FBXL14: variants seen among roughly 807,000 people sequenced by gnomAD.
FBXL14 encodes the protein F-box and leucine rich repeat protein 14.
Under a neutral mutation model 24.5 loss-of-function variants are expected in FBXL14, and 11 were observed. The ratio of observed to expected loss-of-function variants is 0.45; its 90% CI spans 0.28 to 0.74. FBXL14 has a LOEUF of 0.74. Ranked by LOEUF, FBXL14 falls within the 30% of genes least tolerant of loss-of-function variation. FBXL14 has a pLI of 0.12. For synonymous variants in FBXL14, 294 were observed against 240.4 expected (o/e 1.22, Z -2.06); for missense variants, 384 against 545.6 (o/e 0.70, Z 2.95).
At position 1,594,190 on chromosome 12, in the gene FBXL14, C is replaced by CGCCG; in HGVS notation, c.-125_-124insCGGC. 1.8e-5 allele frequency: 10 copies of CGCCG among 553,608 alleles called. No homozygotes were observed. In the East Asian group the frequency reaches 1.9e-4, roughly 10 times the overall value. The allele number at this position is 553,608 out of a possible 1,614,324, so 34.3% of individuals were successfully genotyped here. ...CGCCGCCGCCGCCGCCGCCTCGGGC[C>CGCCG]CAACGGCCGGCCCCTCCCCGCCTTC... On this transcript the variant is annotated 5_prime_UTR_variant, in exon 1 of 2. Transcript: ENST00000339235.
chr12:1,571,221 T>C (rs1592455825), intron 1 of FBXL14, among the ~76,000 whole-genome samples: 1 of 152,188 alleles, frequency 6.6e-6, no homozygotes, highest in East Asian at 1.9e-4. Flanking sequence ...TGTTTTGTTT[T>C]TTTGAGACAG....
chr12:1,590,176 C>G (rs143652228), intron 1 of FBXL14, among the ~76,000 whole-genome samples: 1 of 150,136 alleles, frequency 6.7e-6, no homozygotes, highest in Non-Finnish European at 1.5e-5. Context: ...GCACTGTAAC[C>G]TAAGTGGGAA....
chr12:1,586,514 C>T (rs542315470), intron 1 of FBXL14, among the ~76,000 whole-genome samples: 5 of 152,254 alleles, frequency 3.3e-5, no homozygotes, highest in East Asian at 1.9e-4. Context: ...TGGTGCCACA[C>T]ATCTCTGAAG....
rs1192140634 is a variant in FBXL14, at chr12:1,569,950, C to T, written c.1195-3140G>A. On this transcript the variant is annotated intron_variant, in intron 1 of 1. Coordinates refer to ENST00000339235, the MANE Select transcript of FBXL14 (RefSeq NM_152441.3). The surrounding 1 kb of genome is among the most constrained non-coding windows in gnomAD (Gnocchi z 4.2). Reference sequence around the variant, plus strand: ...AGAGCTGCACTTCTGCCCTCAGGCCCACTGAGCTCCTTCTGCAAGGAAGCT... The same window carrying T: ...AGAGCTGCACTTCTGCCCTCAGGCCTACTGAGCTCCTTCTGCAAGGAAGCT... Among the ~76,000 whole-genome samples the T allele has an allele frequency of 6.6e-6, 1 of 152,232 alleles. No homozygotes were observed. Among genetic ancestry groups the T allele is most frequent in the African/African-American group, 2.4e-5 (1 of 41,464 alleles).
At position 1,569,690 on chromosome 12, in the gene FBXL14, G is replaced by A. The variant is rs565989779; in HGVS notation, c.1195-2880C>T. Among the ~76,000 whole-genome samples the A allele has an allele frequency of 3.2e-3, 487 of 152,332 alleles. 2 individuals are homozygous for A. Among genetic ancestry groups the A allele is most frequent in the African/African-American group, 0.011 (453 of 41,570 alleles). On this transcript the variant is annotated intron_variant, in intron 1 of 1. Coordinates refer to ENST00000339235, the MANE Select transcript of FBXL14 (RefSeq NM_152441.3). This position sits in a 1 kb window ranked among gnomAD's most constrained non-coding sequence, Gnocchi z 4.2. ...GCTGGGATTACAGGCGTGAGCCACC[G>A]CTCCCGGCACCACTTGGTTCTTTAT...
Position 1,569,330 on chromosome 12 carries a change from C to T in FBXL14, c.1195-2520G>A, listed in dbSNP as rs187600156. 6.6e-6 allele frequency among the ~76,000 whole-genome samples: 1 copy of T among 151,926 alleles called. No homozygotes were observed. Among genetic ancestry groups the T allele is most frequent in the Non-Finnish European group, 1.5e-5 (1 of 67,986 alleles). On this transcript the variant is annotated intron_variant, in intron 1 of 1. Transcript: ENST00000339235. This position sits in a 1 kb window ranked among gnomAD's most constrained non-coding sequence, Gnocchi z 4.2. ...CCCATTCCCTCTCCTTTTCACCAGG[C>T]TTCTCCTCTTCCTTCTTCCCTCTTC...
intron 1 of FBXL14, among the ~76,000 whole-genome samples, chr12:1,572,742 C>T (rs945380212): frequency 6.6e-6 from 1 of 152,114 alleles, no homozygotes; most frequent in African/African-American, 2.4e-5. Flanking sequence ...GAGATTGTGA[C>T]CGGGAAGTGA....
chr12:1,567,448 G>A lies in FBXL14; in HGVS notation c.1195-638C>T, dbSNP rs1167937633. On this transcript the variant is annotated intron_variant, in intron 1 of 1. Coordinates refer to ENST00000339235, the MANE Select transcript of FBXL14 (RefSeq NM_152441.3). This position sits in a 1 kb window ranked among gnomAD's most constrained non-coding sequence, Gnocchi z 4.8. Reference sequence around the variant, plus strand: ...AGAGGTTGCAGTGAGCCAAGATCGCGCCACTGTACTGCAGCCTGGGCGACA... The same window carrying A: ...AGAGGTTGCAGTGAGCCAAGATCGCACCACTGTACTGCAGCCTGGGCGACA... Among the ~76,000 whole-genome samples, 18 of 152,066 alleles carry A rather than the reference G, an allele frequency of 1.2e-4. No homozygotes were observed. Among genetic ancestry groups the A allele is most frequent in the African/African-American group, 2.2e-4 (9 of 41,410 alleles).
intron 1 of FBXL14, among the ~76,000 whole-genome samples, chr12:1,573,903 G>A (rs958835763): frequency 6.6e-6 from 1 of 152,274 alleles, no homozygotes; most frequent in East Asian, 1.9e-4. Flanking sequence ...TACTCAGGAA[G>A]CTGAGGCAGG....
In FBXL14 at chr12:1,592,815, T is replaced by A. The variant is rs1011319854; in HGVS notation, c.1194+58A>T. The A allele has an allele frequency of 2.8e-6, 4 of 1,407,008 alleles. No individual in the cohort carries two copies. The African/African-American group carries it at 5.7e-5, about 20-fold the overall frequency. 87.2% of individuals were successfully genotyped at this position (1,407,008 alleles called of 1,614,324 possible). A position where few individuals can be genotyped will look rare whatever the true frequency, so the allele number is the denominator to read the frequency against. ...GCGTGTGAGTGTGTGGGGGCGGTGG[T>A]AATGGGAGGATGAACAGGGCGGGAC... is the stretch of plus-strand genomic sequence containing the variant. On this transcript the variant is annotated intron_variant, in intron 1 of 1. Coordinates refer to ENST00000339235, the MANE Select transcript of FBXL14 (RefSeq NM_152441.3).
intron 1 of FBXL14, among the ~76,000 whole-genome samples, chr12:1,573,442 C>T (rs1017461062): frequency 3.9e-5 from 6 of 152,216 alleles, no homozygotes; most frequent in Non-Finnish European, 8.8e-5. Flanking sequence ...TCAGCACATA[C>T]GTTCAACCTT....
At chr12:1,586,891 A>G (rs779040991) in intron 1 of FBXL14, among the ~76,000 whole-genome samples, 2 of 152,178 alleles carry the variant, frequency 1.3e-5, no homozygotes, top group Non-Finnish European at 2.9e-5. Context: ...CACTATCACA[A>G]ATGCAAGTAT....
chr12:1,594,760 CGGGCGAGCAGG>C (rs2094498325), upstream of FBXL14, among the ~76,000 whole-genome samples: 1 of 150,206 alleles, frequency 6.7e-6, no homozygotes, highest in African/African-American at 2.4e-5. Context: ...GCGCAGACCC[CGGGCGAGCAGG>C]CGGGCCGTGC....
intron 1 of FBXL14, among the ~76,000 whole-genome samples, chr12:1,572,829 C>T (rs1270140291): frequency 2.1e-5 from 3 of 143,616 alleles, no homozygotes; most frequent in Admixed American, 2.1e-4. Context: ...GTGATGAGGA[C>T]TGACTTAGGG....
intron 1 of FBXL14, 133 bp downstream of exon 1, chr12:1,592,740 C>T: frequency 1.3e-6 from 1 of 777,740 alleles, no homozygotes. Flanking sequence ...GAGCCTGAGG[C>T]TTCTGTCATA....
intron 1 of FBXL14, among the ~76,000 whole-genome samples, chr12:1,570,062 C>G (rs907991544): frequency 6.6e-6 from 1 of 152,212 alleles, no homozygotes; most frequent in African/African-American, 2.4e-5. Flanking sequence ...GGGTTTTTCC[C>G]CTCTGGTCGA....
chr12:1,566,586 C>A lies in FBXL14; in HGVS notation c.*162G>T. On this transcript the variant is annotated 3_prime_UTR_variant, in exon 2 of 2. Coordinates refer to ENST00000339235, the MANE Select transcript of FBXL14 (RefSeq NM_152441.3). ...AACTGGAGAAACCGGCAGGAGAATG[C>A]AGCTTCACAAGGTACCGGAGCAGAA... The A allele has an allele frequency of 1.6e-6, 1 of 613,498 alleles. No individual in the cohort carries two copies. The highest frequency in any genetic ancestry group is 2.9e-6 in the Non-Finnish European group (1 of 339,384). 38.0% of individuals were successfully genotyped at this position (613,498 alleles called of 1,614,324 possible). A position where few individuals can be genotyped will look rare whatever the true frequency, so the allele number is the denominator to read the frequency against.
In FBXL14 at chr12:1,593,390, C is replaced by T. The variant is rs765668823; in HGVS notation, c.677G>A (p.Gly226Glu). Reference sequence around the variant, plus strand: ...GTTGAGGAGCCTCAGGCCCGTCAGCCCTCGGGAGATGTGCTTTAGAGAAAG... The same window carrying T: ...GTTGAGGAGCCTCAGGCCCGTCAGCTCTCGGGAGATGTGCTTTAGAGAAAG... ...TDLSLKHISR[G>E]LTGLRLLNLS... Residue 226 changes from glycine to glutamate, a missense_variant, in exon 1 of 2, where the codon GGG becomes GAG. Physicochemically the swap from Gly to Glu is moderately conservative, Grantham distance 98. Coordinates refer to ENST00000339235, the MANE Select transcript of FBXL14 (RefSeq NM_152441.3). The surrounding 1 kb of genome is among the most constrained non-coding windows in gnomAD (Gnocchi z 7.4). The T allele has an allele frequency of 6.2e-7, 1 of 1,614,060 alleles. No homozygotes were observed. Among genetic ancestry groups the T allele is most frequent in the Non-Finnish European group, 8.5e-7 (1 of 1,180,022 alleles).
intron 1 of FBXL14, among the ~76,000 whole-genome samples, chr12:1,572,895 G>A (rs1456196955): frequency 1.1e-4 from 16 of 152,166 alleles, no homozygotes; most frequent in Admixed American, 7.9e-4. Context: ...TCCAGAAGGC[G>A]GAATCAACAG....
Sources: allele counts gnomAD v4.1 joint callset (sites outside exome capture counted in the v4.1 genomes callset), GRCh38; gene constraint gnomAD v4.1.1; non-coding constraint Gnocchi (gnomAD v3.1); transcripts MANE v1.5; gene names NCBI Gene and HGNC (gene_info 2026-07-23, HGNC 2026-07-21).